GPC5: variants seen among roughly 807,000 people sequenced by gnomAD.
The protein encoded by GPC5 is glypican-5.
In GPC5, 47 loss-of-function variants were observed where a neutral mutation model predicts 53.9. The observed-to-expected ratio is 0.87, with a 90% CI of 0.69 to 1.11. The LOEUF is 1.11. GPC5 is among the 50% of genes most tolerant of loss of function. The pLI is 0.00. For synonymous variants in GPC5, 286 were observed against 263.3 expected, an observed-to-expected ratio of 1.09 and a Z score of -0.84; for missense variants, 748 against 713.1, an observed-to-expected ratio of 1.05 and a Z score of -0.56.
At position 92,866,446 on chromosome 13, in the gene GPC5, T is replaced by G; in HGVS notation, c.*7T>G. On this transcript the variant is annotated 3_prime_UTR_variant, in exon 8 of 8. Transcript: ENST00000377067. ...ACTTCCCGGGATTTGGTAACTGAAC[T>G]CTTCTGTCCTGACATACCTTACTGA... 6.3e-7 allele frequency: 1 copy of G among 1,594,750 alleles called. No homozygotes were observed. Among genetic ancestry groups the G allele is most frequent in the Non-Finnish European group, 8.6e-7 (1 of 1,168,210 alleles).
chr13:91,448,493 G>T (rs541079822), intron 1 of GPC5, among the ~76,000 whole-genome samples: 55 of 152,290 alleles, frequency 3.6e-4, no homozygotes, highest in Admixed American at 6.5e-4. Context: ...GTACTTCATA[G>T]TAGTTAATTT....
chr13:92,445,024 G>C (rs1024049731), intron 7 of GPC5, among the ~76,000 whole-genome samples: 1 of 152,110 alleles, frequency 6.6e-6, no homozygotes, highest in Non-Finnish European at 1.5e-5. Flanking sequence ...ATAAAATTAT[G>C]TATAATCAAT....
intron 4 of GPC5, among the ~76,000 whole-genome samples, chr13:91,749,647 G>A (rs2037127069): frequency 6.6e-6 from 1 of 152,110 alleles, no homozygotes; most frequent in South Asian, 2.1e-4. Flanking sequence ...TCTATTTTTA[G>A]TTCTTTCAGA....
chr13:92,439,375 G>A (rs979526776), intron 7 of GPC5, among the ~76,000 whole-genome samples: 22 of 152,162 alleles, frequency 1.4e-4, no homozygotes, highest in Admixed American at 1.4e-3. Flanking sequence ...CTTTGACAGA[G>A]CATTTTCAGT....
At chr13:92,721,021 G>C (rs1888494257) in intron 7 of GPC5, among the ~76,000 whole-genome samples, 1 of 152,024 alleles carries the variant, frequency 6.6e-6, no homozygotes, top group African/African-American at 2.4e-5. Context: ...TATCTCCAGA[G>C]TACTGTGGAG....
intron 3 of GPC5, among the ~76,000 whole-genome samples, chr13:91,728,003 T>C (rs559530053): frequency 1.3e-5 from 2 of 152,196 alleles, no homozygotes; most frequent in African/African-American, 2.4e-5. Flanking sequence ...TACACCAGAC[T>C]GAGAAAGAAG....
At chr13:92,331,497 T>C (rs925770739) in intron 7 of GPC5, among the ~76,000 whole-genome samples, 9 of 152,130 alleles carry the variant, frequency 5.9e-5, no homozygotes, top group African/African-American at 1.9e-4. Context: ...ATAATGTTAA[T>C]TATAAAGCAA....
At chr13:92,780,308 ATAAT>A (rs1022119665) in intron 7 of GPC5, among the ~76,000 whole-genome samples, 2 of 151,356 alleles carry the variant, frequency 1.3e-5, no homozygotes, top group South Asian at 2.1e-4. Flanking sequence ...TTCACTTAAT[ATAAT>A]TAAGTGTAAT....
chr13:92,842,746 T>C (rs1285771739), intron 7 of GPC5, among the ~76,000 whole-genome samples: 1 of 151,574 alleles, frequency 6.6e-6, no homozygotes, highest in Non-Finnish European at 1.5e-5. Flanking sequence ...CTAAAACAAT[T>C]AGAAAAACAG....
rs75052202 is a variant in GPC5, at chr13:91,577,454, C to A, written c.326-115733C>A. On this transcript the variant is annotated intron_variant, in intron 2 of 7. Coordinates refer to ENST00000377067, the MANE Select transcript of GPC5 (RefSeq NM_004466.6). Reference sequence around the variant, plus strand: ...GGAAAGAAGTCCCCTTGCAGAAGAGCCCTAGGGTCTGTGGACTTTGTCTTT... The same window carrying A: ...GGAAAGAAGTCCCCTTGCAGAAGAGACCTAGGGTCTGTGGACTTTGTCTTT... Among the ~76,000 whole-genome samples, 936 of 152,244 alleles carry A rather than the reference C, an allele frequency of 6.1e-3. 9 individuals carry two copies. Among genetic ancestry groups the A allele is most frequent in the African/African-American group, 0.022 (903 of 41,556 alleles).
intron 7 of GPC5, among the ~76,000 whole-genome samples, chr13:92,402,535 T>C (rs1037724944): frequency 1.3e-5 from 2 of 152,208 alleles, no homozygotes; most frequent in African/African-American, 2.4e-5. Context: ...GTCAGTATAA[T>C]GTCCAAGAAT....
chr13:91,911,897 G>C (rs1314033505), intron 6 of GPC5, among the ~76,000 whole-genome samples: 2 of 152,122 alleles, frequency 1.3e-5, no homozygotes, highest in Non-Finnish European at 2.9e-5. Flanking sequence ...TCTGGCGGAG[G>C]GTTCCTGGGA....
intron 6 of GPC5, among the ~76,000 whole-genome samples, chr13:92,108,949 A>G (rs928588047): frequency 6.6e-6 from 1 of 151,826 alleles, no homozygotes; most frequent in East Asian, 1.9e-4. Context: ...TCCTTAGTTC[A>G]TCTTTTCCAC....
intron 7 of GPC5, among the ~76,000 whole-genome samples, chr13:92,196,328 T>G (rs2042256516): frequency 6.6e-6 from 1 of 152,158 alleles, no homozygotes; most frequent in Non-Finnish European, 1.5e-5. Flanking sequence ...TTTAAAGGTA[T>G]GTACTTCTTA....
intron 6 of GPC5, among the ~76,000 whole-genome samples, chr13:91,948,008 G>C (rs2039989435): frequency 6.6e-6 from 1 of 152,046 alleles, no homozygotes; most frequent in South Asian, 2.1e-4. Context: ...TCTGTGTGCA[G>C]TGGTTACCAA....
At chr13:92,384,284 A>G (rs1410792999) in intron 7 of GPC5, among the ~76,000 whole-genome samples, 3 of 152,280 alleles carry the variant, frequency 2.0e-5, no homozygotes, top group African/African-American at 7.2e-5. Flanking sequence ...GTTTGTAATC[A>G]ATCCCATCTT....
intron 6 of GPC5, among the ~76,000 whole-genome samples, chr13:91,973,287 A>G (rs546545363): frequency 3.3e-5 from 5 of 152,158 alleles, no homozygotes; most frequent in South Asian, 2.1e-4. Context: ...CATTTTTCAC[A>G]TAGTTCTCGA....
At position 92,842,189 on chromosome 13, in the gene GPC5, G is replaced by T. The variant is rs539921911; in HGVS notation, c.1562-24093G>T. Among the ~76,000 whole-genome samples the T allele has an allele frequency of 1.2e-4, 19 of 152,130 alleles. No homozygotes were observed. In the South Asian group the frequency reaches 2.5e-3, roughly 20 times the overall value. ...AATGTATGTGATAGGTCCAGTACTG[G>T]ATTTTGCCCAACTTACAAACTAACA... On this transcript the variant is annotated intron_variant, in intron 7 of 7. Coordinates refer to ENST00000377067, the MANE Select transcript of GPC5 (RefSeq NM_004466.6).
chr13:91,767,892 C>T (rs1415530826), intron 5 of GPC5, among the ~76,000 whole-genome samples: 2 of 152,152 alleles, frequency 1.3e-5, no homozygotes. Flanking sequence ...TTGTGACTTC[C>T]AGATTGTGTA....
Sources: allele counts gnomAD v4.1 joint callset (sites outside exome capture counted in the v4.1 genomes callset), GRCh38; gene constraint gnomAD v4.1.1; transcripts MANE v1.5; gene names NCBI Gene and HGNC (gene_info 2026-07-23, HGNC 2026-07-21).